The following CEP63 variants were observed in gnomAD, a reference collection of about 807,000 sequenced individuals.
CEP63 encodes centrosomal protein of 63 kDa.
A neutral mutation model predicts 89.1 loss-of-function variants in CEP63; 84 were observed. That is an observed-to-expected ratio of 0.94 (90% confidence interval 0.79 to 1.13). CEP63 has a LOEUF of 1.13. Ranked by LOEUF, CEP63 falls within the 50% of genes most tolerant of loss-of-function variation. The pLI, the probability that CEP63 is intolerant of heterozygous loss-of-function variation, is 0.00. For missense variants in CEP63, 838 were observed against 813.3 expected, an observed-to-expected ratio of 1.03 and a Z score of -0.37; for synonymous variants, 267 against 272.5, an observed-to-expected ratio of 0.98 and a Z score of 0.20.
At chr3:134,627,990 G>A in the CEP63 span, 1 of 618,504 alleles carries the variant, frequency 1.6e-6, no homozygotes, top group Non-Finnish European at 2.9e-6. Context: ...GAATTGCCAG[G>A]AACTTCCTGG....
intron 3 of CEP63, among the ~76,000 whole-genome samples, chr3:134,524,972 C>G (rs758623339): frequency 1.9e-4 from 29 of 152,094 alleles, no homozygotes; most frequent in Non-Finnish European, 3.2e-4. Context: ...GCTCTTCTTT[C>G]TACATCTGGT....
chr3:134,770,030 G>A, the CEP63 span, among the ~76,000 whole-genome samples: 19 of 152,194 alleles, frequency 1.2e-4, no homozygotes, highest in South Asian at 4.1e-4. Context: ...GGCACATCAC[G>A]TCTACTTTTC....
chr3:134,536,718 T>C (rs1384224769), intron 5 of CEP63: 1 of 244,060 alleles, frequency 4.1e-6, no homozygotes, highest in Admixed American at 5.1e-5. Flanking sequence ...CCAAGGGACT[T>C]ATCTGAAAAT....
At chr3:134,769,580 G>T in the CEP63 span, among the ~76,000 whole-genome samples, 1 of 152,194 alleles carries the variant, frequency 6.6e-6, no homozygotes, top group Non-Finnish European at 1.5e-5. Flanking sequence ...CAGGTGCCTT[G>T]TACATAATTG....
chr3:134,708,294 A>G, the CEP63 span, among the ~76,000 whole-genome samples: 2 of 152,266 alleles, frequency 1.3e-5, no homozygotes, highest in East Asian at 3.8e-4. Flanking sequence ...AATTAGTCAT[A>G]GATTTTCAAC....
In CEP63 at chr3:134,558,276, C is replaced by G. The variant is rs905032618; in HGVS notation, c.1602C>G (p.Cys534Trp). ...AGCTGGAGATTTCTACTCAGATGTGCAAAAAACAAAATGACAGGATCTTTA... is the reference window on the plus strand; with the variant it reads ...AGCTGGAGATTTCTACTCAGATGTGGAAAAAACAAAATGACAGGATCTTTA... ...KSQLEISTQM[C>W]KKQNDRIFKP... Residue 534 changes from cysteine to tryptophan, a missense_variant, in exon 13 of 15, where the codon TGC becomes TGG. Cys to Trp is a radical substitution (Grantham distance 215, BLOSUM62 -2). Transcript: ENST00000675561. 2.5e-6 allele frequency: 4 copies of G among 1,613,500 alleles called. No homozygotes were observed. The African/African-American group carries it at 5.3e-5, about 22-fold the overall frequency.
intron 10 of CEP63, among the ~76,000 whole-genome samples, chr3:134,583,320 A>G (rs530122002): frequency 1.3e-4 from 20 of 152,296 alleles, no homozygotes; most frequent in African/African-American, 3.4e-4. Context: ...TAGGTCTAAC[A>G]TTTAAGTCTT....
chr3:134,491,047 G>T (rs1937440706), intron 1 of CEP63, among the ~76,000 whole-genome samples: 1 of 152,020 alleles, frequency 6.6e-6, no homozygotes, highest in Non-Finnish European at 1.5e-5. Flanking sequence ...TGGATATGTT[G>T]TTTTGCATTT....
chr3:134,744,102 G>A, the CEP63 span, among the ~76,000 whole-genome samples: 2 of 152,216 alleles, frequency 1.3e-5, no homozygotes, highest in Non-Finnish European at 2.9e-5. Flanking sequence ...GAATCCCAAT[G>A]GGAAATAACT....
chr3:134,633,848 G>C, the CEP63 span, among the ~76,000 whole-genome samples: 1 of 152,088 alleles, frequency 6.6e-6, no homozygotes, highest in African/African-American at 2.4e-5. Context: ...TGTCTACATA[G>C]GAAATCCCAA....
the CEP63 span, among the ~76,000 whole-genome samples, chr3:134,653,539 C>T: frequency 6.6e-6 from 1 of 152,202 alleles, no homozygotes. Context: ...CAACTCTATT[C>T]CCATCCTTGG....
At chr3:134,586,635 A>G (rs1037594503) in intron 10 of CEP63, among the ~76,000 whole-genome samples, 4 of 151,568 alleles carry the variant, frequency 2.6e-5, no homozygotes, top group South Asian at 4.2e-4. Context: ...TTTTTCCTTC[A>G]TTTCAACCTT....
At chr3:134,620,917 G>A in the CEP63 span, 19 of 1,014,908 alleles carry the variant, frequency 1.9e-5, no homozygotes, top group African/African-American at 2.4e-4. Context: ...TGGGGGCCCA[G>A]CATCTTGCAC....
chr3:134,687,004 A>G, the CEP63 span, among the ~76,000 whole-genome samples: 1 of 152,168 alleles, frequency 6.6e-6, no homozygotes, highest in Non-Finnish European at 1.5e-5. Context: ...GGAGAGTACT[A>G]TTTTATTTCA....
At chr3:134,539,566 TGAA>T (rs1365026146) in intron 6 of CEP63, among the ~76,000 whole-genome samples, 1 of 152,158 alleles carries the variant, frequency 6.6e-6, no homozygotes, top group African/African-American at 2.4e-5. Flanking sequence ...TTTTTACAAT[TGAA>T]TGTTTGAGTC....
chr3:134,650,842 A>T, the CEP63 span: 63 of 1,604,622 alleles, frequency 3.9e-5, no homozygotes, highest in Non-Finnish European at 4.9e-5. Context: ...GCGCTGCAGC[A>T]GCGAGCTCGG....
the CEP63 span, among the ~76,000 whole-genome samples, chr3:134,659,856 G>C: frequency 6.6e-6 from 1 of 152,226 alleles, no homozygotes; most frequent in Non-Finnish European, 1.5e-5. Flanking sequence ...TTGCCCAGTG[G>C]CCTGGATCCC....
chr3:134,652,356 C>T, the CEP63 span, among the ~76,000 whole-genome samples: 2 of 152,124 alleles, frequency 1.3e-5, no homozygotes, highest in Non-Finnish European at 2.9e-5. Flanking sequence ...GTCACAGCCA[C>T]ACTCTGAGAT....
intron 10 of CEP63, among the ~76,000 whole-genome samples, chr3:134,587,010 C>T (rs1427156165): frequency 6.6e-6 from 1 of 152,118 alleles, no homozygotes; most frequent in East Asian, 1.9e-4. Context: ...GCATGCATCA[C>T]GAAGTTCTCG....
Sources: gnomAD v4.1 joint callset for allele counts (sites outside exome capture counted in the v4.1 genomes callset) on GRCh38, gnomAD v4.1.1 for gene constraint, MANE v1.5 for transcripts, NCBI Gene and HGNC (gene_info 2026-07-23, HGNC 2026-07-21) for gene names.